SCHIP1: variants seen among roughly 807,000 people sequenced by gnomAD.
SCHIP1 encodes schwannomin-interacting protein 1.
Under a neutral mutation model 29.7 loss-of-function variants are expected in SCHIP1, and 8 were observed. The observed-to-expected ratio is 0.27, with a 90% CI of 0.16 to 0.49. The LOEUF is 0.49. SCHIP1 is among the 20% of genes least tolerant of loss of function. SCHIP1 has a pLI of 0.99. For synonymous variants in SCHIP1, 76 were observed against 94.9 expected (o/e 0.80, Z 1.16); for missense variants, 193 against 294.6 (o/e 0.66, Z 2.52).
intron 2 of SCHIP1, among the ~76,000 whole-genome samples, chr3:159,884,322 G>GA (rs1716740471): frequency 6.7e-6 from 1 of 148,446 alleles, no homozygotes; most frequent in Admixed American, 6.8e-5. Context: ...ATTTCTCCAG[G>GA]AAAAAAATAT....
At chr3:159,807,723 GA>G in the SCHIP1 span, among the ~76,000 whole-genome samples, 17 of 152,244 alleles carry the variant, frequency 1.1e-4, no homozygotes, top group African/African-American at 4.1e-4. Flanking sequence ...ATTTTGCCAA[GA>G]AAAAAATGAG....
At chr3:159,651,873 G>A in the SCHIP1 span, among the ~76,000 whole-genome samples, 1 of 152,126 alleles carries the variant, frequency 6.6e-6, no homozygotes, top group Admixed American at 6.5e-5. Context: ...GAGGTAGGCG[G>A]ATCACCAAGT....
At chr3:159,517,617 T>G in the SCHIP1 span, among the ~76,000 whole-genome samples, 2 of 152,092 alleles carry the variant, frequency 1.3e-5, no homozygotes, top group Non-Finnish European at 2.9e-5. Flanking sequence ...AATTTTCTAA[T>G]CTGCTTAAAA....
chr3:159,442,433 A>G, the SCHIP1 span, among the ~76,000 whole-genome samples: 2 of 152,114 alleles, frequency 1.3e-5, no homozygotes, highest in African/African-American at 4.8e-5. Context: ...GGAGGATGAC[A>G]CCCAGCTGGC....
chr3:159,713,981 A>ATG, the SCHIP1 span, among the ~76,000 whole-genome samples: 1 of 152,226 alleles, frequency 6.6e-6, no homozygotes, highest in Admixed American at 6.5e-5. Flanking sequence ...TCATGCCTGT[A>ATG]ATCCCAACAC....
At chr3:159,286,775 A>G in the SCHIP1 span, among the ~76,000 whole-genome samples, 2 of 152,252 alleles carry the variant, frequency 1.3e-5, no homozygotes, top group Non-Finnish European at 2.9e-5. Flanking sequence ...TCAGACTGGT[A>G]TGAGATGGTA....
the SCHIP1 span, among the ~76,000 whole-genome samples, chr3:159,759,717 G>C: frequency 6.6e-6 from 1 of 152,138 alleles, no homozygotes; most frequent in Non-Finnish European, 1.5e-5. Context: ...TCTGTGTATT[G>C]CATGTGACCT....
chr3:159,764,839 C>T, the SCHIP1 span: 1 of 1,591,748 alleles, frequency 6.3e-7, no homozygotes, highest in South Asian at 1.1e-5. This position sits in a 1 kb window ranked among gnomAD's most constrained non-coding sequence, Gnocchi z 6.1. Context: ...CAACCTCCAC[C>T]AGCACGACCC....
the SCHIP1 span, among the ~76,000 whole-genome samples, chr3:159,358,075 G>A: frequency 1.3e-5 from 2 of 152,236 alleles, no homozygotes; most frequent in Non-Finnish European, 2.9e-5. Context: ...GTGAATAGCA[G>A]TCAAAAGACA....
the SCHIP1 span, among the ~76,000 whole-genome samples, chr3:159,454,347 C>T: frequency 6.6e-6 from 1 of 152,066 alleles, no homozygotes; most frequent in Admixed American, 6.6e-5. Flanking sequence ...GGGGTGGGGG[C>T]TGGTGACAAC....
chr3:159,887,358 TC>T (rs1306225177), intron 3 of SCHIP1: 1 of 245,408 alleles, frequency 4.1e-6, no homozygotes, highest in African/African-American at 2.2e-5. Context: ...ATACATGAGA[TC>T]CTGTCCACGC....
At chr3:159,426,555 G>A in the SCHIP1 span, among the ~76,000 whole-genome samples, 1 of 151,974 alleles carries the variant, frequency 6.6e-6, no homozygotes, top group East Asian at 1.9e-4. Context: ...GCTTACCAAC[G>A]AAAAAGAGTC....
the SCHIP1 span, among the ~76,000 whole-genome samples, chr3:159,644,705 G>C: frequency 4.6e-5 from 7 of 152,156 alleles, no homozygotes; most frequent in African/African-American, 1.7e-4. Flanking sequence ...CAAATTAAAA[G>C]CTAACTTCAT....
At chr3:159,591,999 A>AAAAAAAAG in the SCHIP1 span, among the ~76,000 whole-genome samples, 28 of 149,646 alleles carry the variant, frequency 1.9e-4, no homozygotes, top group African/African-American at 6.3e-4. Context: ...CAAAAAAAAA[A>AAAAAAAAG]AAAGAAAGAA....
the SCHIP1 span, among the ~76,000 whole-genome samples, chr3:159,798,424 C>A: frequency 6.6e-6 from 1 of 152,070 alleles, no homozygotes; most frequent in Admixed American, 6.6e-5. Context: ...TTTTCCTTAT[C>A]TTTTTCTTCT....
the SCHIP1 span, among the ~76,000 whole-genome samples, chr3:159,481,992 G>T: frequency 2.0e-5 from 3 of 152,208 alleles, no homozygotes; most frequent in Non-Finnish European, 4.4e-5. Flanking sequence ...GTCAATTTGT[G>T]TGTTAGGGGA....
At chr3:159,752,113 C>T in the SCHIP1 span, among the ~76,000 whole-genome samples, 2 of 143,878 alleles carry the variant, frequency 1.4e-5, no homozygotes, top group Non-Finnish European at 3.0e-5. Context: ...GTTTCCCCTT[C>T]ACCTTCTGTC....
chr3:159,294,798 A>G, the SCHIP1 span, among the ~76,000 whole-genome samples: 3 of 152,296 alleles, frequency 2.0e-5, no homozygotes, highest in East Asian at 1.9e-4. Flanking sequence ...CTTAAACTAC[A>G]TTGAAGGGCT....
the SCHIP1 span, among the ~76,000 whole-genome samples, chr3:159,738,064 T>G: frequency 9.9e-5 from 15 of 152,170 alleles, no homozygotes; most frequent in African/African-American, 2.9e-4. Flanking sequence ...TAAAGTTAAG[T>G]TTTTGAGCCT....
Sources: allele counts gnomAD v4.1 joint callset (sites outside exome capture counted in the v4.1 genomes callset), GRCh38; gene constraint gnomAD v4.1.1; non-coding constraint Gnocchi (gnomAD v3.1); transcripts MANE v1.5; gene names NCBI Gene and HGNC (gene_info 2026-07-23, HGNC 2026-07-21).